The following DHX57 variants were observed in gnomAD, a reference collection of about 807,000 sequenced individuals.
The protein encoded by DHX57 is DExH-box helicase 57.
Under a neutral mutation model 156.2 loss-of-function variants are expected in DHX57, and 105 were observed. The ratio of observed to expected loss-of-function variants is 0.67; its 90% CI spans 0.57 to 0.79. The LOEUF (loss-of-function observed/expected upper bound fraction) is 0.79, where lower values mean the gene tolerates loss of function less well. DHX57 is among the 30% of genes least tolerant of loss of function. The pLI is 0.00. For missense variants in DHX57, 1,847 were observed against 1,661.9 expected, an observed-to-expected ratio of 1.11 and a Z score of -1.94; for synonymous variants, 704 against 595.6, an observed-to-expected ratio of 1.18 and a Z score of -2.65.
At chr2:38,839,896 A>ATTC (rs1341988467) in intron 12 of DHX57, among the ~76,000 whole-genome samples, 5 of 152,200 alleles carry the variant, frequency 3.3e-5, no homozygotes, top group Non-Finnish European at 7.3e-5. Context: ...CTTTTCAAAA[A>ATTC]GAAGAAAGGA....
chr2:38,855,076 A>G lies in DHX57; in HGVS notation c.1886T>C (p.Ile629Thr). The change falls in exon 8 of 24, where the codon ATT becomes ACT. Residue 629 changes from isoleucine (I) to threonine (T), a missense_variant. Ile to Thr is a moderately conservative substitution (Grantham distance 89, BLOSUM62 -1). Coordinates refer to ENST00000457308, the MANE Select transcript of DHX57 (RefSeq NM_198963.3). ...ACAAACCTTGACACTTTCTAACCGA[A>G]TCTGGTATCCCACGGTCAGACCCAC... ...ERVGLTVGYQ[I>T]RLESVKSSAT... is the part of the protein sequence containing the mutation. 1.2e-6 allele frequency: 2 copies of G among 1,614,102 alleles called. No individual in the cohort carries two copies. Among genetic ancestry groups the G allele is most frequent in the Non-Finnish European group, 1.7e-6 (2 of 1,180,006 alleles).
rs35148600 is a variant in DHX57, at chr2:38,801,410, C to CTATTTATT, written c.4017+1297_4017+1304dup. ...TCCACCTGAAGTTTTATCTATCTATCTATTTATTTATTTATTTGAGACGGA... is the reference window on the plus strand; with the variant it reads ...TCCACCTGAAGTTTTATCTATCTATCTATTTATTTATTTATTTATTTATTTGAGACGGA... On this transcript the variant is annotated intron_variant, in intron 23 of 23. Coordinates refer to ENST00000457308, the MANE Select transcript of DHX57 (RefSeq NM_198963.3). 4.1e-4 allele frequency among the ~76,000 whole-genome samples: 61 copies of CTATTTATT among 149,230 alleles called. 1 individual carries two copies. Among genetic ancestry groups the CTATTTATT allele is most frequent in the East Asian group, 3.9e-3 (20 of 5,088 alleles).
At chr2:38,860,417 C>G (rs1386339967) in intron 5 of DHX57, among the ~76,000 whole-genome samples, 1 of 152,042 alleles carries the variant, frequency 6.6e-6, no homozygotes, top group Non-Finnish European at 1.5e-5. Flanking sequence ...CCACTGCACT[C>G]CAGCTTGGGG....
chr2:38,823,014 A>T lies in DHX57; in HGVS notation c.3270T>A (p.Ser1090Arg), dbSNP rs1670903060. 6.2e-7 allele frequency: 1 copy of T among 1,614,106 alleles called. No homozygotes were observed. Among genetic ancestry groups the T allele is most frequent in the Admixed American group, 1.7e-5 (1 of 60,004 alleles). The change falls in exon 17 of 24, where the codon AGT becomes AGA. Residue 1090 changes from serine (S) to arginine (R), a missense_variant. Ser to Arg is a moderately radical substitution (Grantham distance 110). Transcript: ENST00000457308. Reference sequence around the variant, plus strand: ...TTACAAACGGAGACTTAAAAGCCAAACTGGCAGCAATGGTGAGAGCAGGAT... The same window carrying T: ...TTACAAACGGAGACTTAAAAGCCAATCTGGCAGCAATGGTGAGAGCAGGAT... ...CLDPALTIAASLAFKSPFVSP... is the reference protein window; with the variant it reads ...CLDPALTIAARLAFKSPFVSP...
At chr2:38,848,736 C>T (rs1244481784) in intron 9 of DHX57, among the ~76,000 whole-genome samples, 1 of 152,186 alleles carries the variant, frequency 6.6e-6, no homozygotes, top group Non-Finnish European at 1.5e-5. Context: ...CTTATATACA[C>T]AGCCTAAAGG....
Position 38,868,291 on chromosome 2 carries a change from C to T in DHX57, c.115G>A (p.Gly39Ser), listed in dbSNP as rs369350519. The T allele has an allele frequency of 3.2e-5, 52 of 1,613,946 alleles. No homozygotes were observed. Among genetic ancestry groups the T allele is most frequent in the East Asian group, 1.3e-4 (6 of 44,900 alleles). The part of the protein sequence containing the change: ...HASKSHGSGG[G>S]GGGGGGGGGG... Reference sequence around the variant, plus strand: ...CCTCCACCACCACCACCACCGCCACCGCCACCACTCCCATGAGATTTACTG... The same window carrying T: ...CCTCCACCACCACCACCACCGCCACTGCCACCACTCCCATGAGATTTACTG... The change falls in exon 2 of 24, where the codon GGT becomes AGT. Residue 39 changes from glycine (G) to serine (S), a missense_variant. Physicochemically the swap from Gly to Ser is moderately conservative, Grantham distance 56. Coordinates refer to ENST00000457308, the MANE Select transcript of DHX57 (RefSeq NM_198963.3).
chr2:38,804,727 TC>T (rs1273207387), intron 22 of DHX57, among the ~76,000 whole-genome samples: 1 of 150,366 alleles, frequency 6.7e-6, no homozygotes, highest in Non-Finnish European at 1.5e-5. Context: ...CCAAATACAC[TC>T]CCACCTTGTG....
chr2:38,855,008 C>G (rs750872884), intron 8 of DHX57, 49 bp downstream of exon 8: 4 of 1,611,888 alleles, frequency 2.5e-6, no homozygotes, highest in Non-Finnish European at 3.4e-6. Context: ...CTTTTTATAC[C>G]TAAAAACCAT....
rs771639412 is a variant in DHX57, at chr2:38,826,730, G to C, written c.2640-41C>G. 2.5e-6 allele frequency: 4 copies of C among 1,591,128 alleles called. No individual in the cohort carries two copies. The Admixed American group carries it at 5.2e-5, about 21-fold the overall frequency. On this transcript the variant is annotated intron_variant, in intron 14 of 23. Coordinates refer to ENST00000457308, the MANE Select transcript of DHX57 (RefSeq NM_198963.3). ...AGCACATGAAGTATTCTAGCACCTA[G>C]CACCGAAACTAGATTACAGTAGGTG...
At chr2:38,842,431 G>C (rs1005628565) in intron 12 of DHX57, among the ~76,000 whole-genome samples, 1 of 152,112 alleles carries the variant, frequency 6.6e-6, no homozygotes, top group African/African-American at 2.4e-5. Context: ...TTATATAATT[G>C]TATCAGTGTT....
At chr2:38,812,603 G>A (rs1572627585) in intron 21 of DHX57, among the ~76,000 whole-genome samples, 1 of 152,152 alleles carries the variant, frequency 6.6e-6, no homozygotes, top group African/African-American at 2.4e-5. Context: ...GTATGATCTC[G>A]CCTCACCACA....
chr2:38,861,430 G>C lies in DHX57; in HGVS notation c.980C>G (p.Pro327Arg). Residue 327 changes from proline (P) to arginine (R), a missense_variant, in exon 5 of 24, where the codon CCA (proline) becomes CGA (arginine). Transcript: ENST00000457308. Reference sequence around the variant, plus strand: ...TTCTATTCTTCCAACAATTTGATTTGGGGGCACTTCATGTTTGAATCTGCA... The same window carrying C: ...TTCTATTCTTCCAACAATTTGATTTCGGGGCACTTCATGTTTGAATCTGCA... ...SKCRFKHEVP[P>R]NQIVGRIERS... 1.2e-6 allele frequency: 2 copies of C among 1,613,924 alleles called. No individual in the cohort carries two copies. The highest frequency in any genetic ancestry group is 1.1e-5 in the South Asian group (1 of 91,066).
chr2:38,800,007 G>A (rs1489945130), intron 23 of DHX57, among the ~76,000 whole-genome samples: 12 of 151,958 alleles, frequency 7.9e-5, no homozygotes, highest in African/African-American at 2.9e-4. Context: ...GACCAACATG[G>A]AGAAACCCCG....
chr2:38,859,404 G>A (rs1369528876), intron 5 of DHX57, among the ~76,000 whole-genome samples: 1 of 152,132 alleles, frequency 6.6e-6, no homozygotes, highest in Admixed American at 6.5e-5. Flanking sequence ...ACTGCTATGG[G>A]TACATGGGTA....
intron 12 of DHX57, among the ~76,000 whole-genome samples, chr2:38,842,335 A>T (rs1672051777): frequency 6.6e-6 from 1 of 152,200 alleles, no homozygotes; most frequent in South Asian, 2.1e-4. Context: ...GTAATATATG[A>T]TCCATGATAG....
At chr2:38,856,485 T>C in intron 6 of DHX57, 24 bp from the exon 7 acceptor site, 2 of 1,547,134 alleles carry the variant, frequency 1.3e-6, no homozygotes, top group Non-Finnish European at 1.7e-6. Flanking sequence ...AGATAAGATA[T>C]CAGTTGGGTT....
rs777799902 is a variant in DHX57, at chr2:38,823,034, C to T, written c.3250G>A (p.Ala1084Thr). The T allele has an allele frequency of 9.9e-6, 16 of 1,614,148 alleles. No homozygotes were observed. The East Asian group carries it at 3.3e-4, about 34-fold the overall frequency. Residue 1084 changes from alanine to threonine, a missense_variant, in exon 17 of 24, where the codon GCT becomes ACT. By Grantham distance (58) the Ala-to-Thr change is moderately conservative. Transcript: ENST00000457308. ...FGSIFRCLDP[A>T]LTIAASLAFK... ...GCCAAACTGGCAGCAATGGTGAGAG[C>T]AGGATCCAAACAGCGGAAGATAGAC...
At chr2:38,860,939 T>G in intron 5 of DHX57, 60 bp downstream of exon 5, 1 of 1,478,864 alleles carries the variant, frequency 6.8e-7, no homozygotes, top group Non-Finnish European at 9.2e-7. Context: ...CCTTAAAGGC[T>G]TTGACTTCTA....
chr2:38,846,646 G>GT (rs1469655435), intron 11 of DHX57, among the ~76,000 whole-genome samples: 1 of 150,080 alleles, frequency 6.7e-6, no homozygotes, highest in African/African-American at 2.4e-5. Context: ...GAAAGAAAAA[G>GT]TAAGTAGAGG....
Sources: allele counts gnomAD v4.1 joint callset (sites outside exome capture counted in the v4.1 genomes callset), GRCh38; gene constraint gnomAD v4.1.1; transcripts MANE v1.5; gene names NCBI Gene and HGNC (gene_info 2026-07-23, HGNC 2026-07-21).